Variants in CECR2 observed in about 807,000 individuals in gnomAD.
The protein encoded by CECR2 is chromatin remodeling regulator CECR2.
A neutral mutation model predicts 154.5 loss-of-function variants in CECR2; 30 were observed. That is an observed-to-expected ratio of 0.19 (90% confidence interval 0.15 to 0.26). The LOEUF is 0.26. Ranked by LOEUF, CECR2 falls within the 10% of genes least tolerant of loss-of-function variation. The probability of loss-of-function intolerance (pLI) is 1.00; values close to 1 mark genes in which losing one functional copy is unlikely to be tolerated. For missense variants in CECR2, 1,743 were observed against 1,829.3 expected (o/e 0.95, Z 0.86); for synonymous variants, 725 against 683.7 (o/e 1.06, Z -0.94).
intron 1 of CECR2, among the ~76,000 whole-genome samples, chr22:17,434,552 C>A (rs528061383): frequency 9.0e-4 from 137 of 152,260 alleles, no homozygotes; most frequent in Non-Finnish European, 1.6e-3. Flanking sequence ...GACACTAACC[C>A]TTTAGGCTGC....
At chr22:17,462,303 G>A (rs1329213654) in intron 1 of CECR2, among the ~76,000 whole-genome samples, 1 of 151,872 alleles carries the variant, frequency 6.6e-6, no homozygotes, top group Non-Finnish European at 1.5e-5. Context: ...AGAGCTTGCA[G>A]TGAGCAAAGA....
chr22:17,363,756 A>G (rs764101408), intron 1 of CECR2, among the ~76,000 whole-genome samples: 1 of 152,106 alleles, frequency 6.6e-6, no homozygotes, highest in Non-Finnish European at 1.5e-5. Flanking sequence ...CCACCTCAGC[A>G]TCTGGAGTAA....
intron 1 of CECR2, among the ~76,000 whole-genome samples, chr22:17,435,081 G>T (rs543840698): frequency 6.6e-6 from 1 of 152,268 alleles, no homozygotes; most frequent in South Asian, 2.1e-4. Context: ...CAGTCTAAGA[G>T]GCAGCCCCCT....
At chr22:17,416,458 G>GT (rs2054157727) in intron 1 of CECR2, among the ~76,000 whole-genome samples, 3 of 152,086 alleles carry the variant, frequency 2.0e-5, no homozygotes, top group African/African-American at 7.2e-5. Flanking sequence ...ACCAAATAGG[G>GT]TATGTTGGTT....
chr22:17,465,688 T>G (rs1318385095), intron 1 of CECR2, among the ~76,000 whole-genome samples: 2 of 152,060 alleles, frequency 1.3e-5, no homozygotes, highest in Non-Finnish European at 2.9e-5. Context: ...TTTCACCGTC[T>G]TGGCCAGGCT....
chr22:17,411,295 T>TGTAC (rs1468404074), intron 1 of CECR2, among the ~76,000 whole-genome samples: 1 of 152,204 alleles, frequency 6.6e-6, no homozygotes, highest in African/African-American at 2.4e-5. Context: ...CTTGATTACT[T>TGTAC]GTACAATGGG....
rs188494208 is a variant in CECR2, at chr22:17,478,967, G to A, written c.221+1285G>A. On this transcript the variant is annotated intron_variant, in intron 2 of 18. Transcript: ENST00000262608. ...GTAATTTTTAAGCACTGTTGTATTCGTACCTTGTGTTTAATTCCACATTTT... is the reference window on the plus strand; with the variant it reads ...GTAATTTTTAAGCACTGTTGTATTCATACCTTGTGTTTAATTCCACATTTT... Among the ~76,000 whole-genome samples the A allele has an allele frequency of 1.2e-4, 18 of 152,108 alleles. No individual in the cohort carries two copies. The South Asian group carries it at 1.5e-3, about 12-fold the overall frequency.
intron 1 of CECR2, among the ~76,000 whole-genome samples, chr22:17,476,649 C>T (rs942259723): frequency 6.6e-6 from 1 of 152,110 alleles, no homozygotes; most frequent in Non-Finnish European, 1.5e-5. Flanking sequence ...ATAAGATTGT[C>T]AGAAGTTTGG....
chr22:17,497,484 G>A lies in CECR2; in HGVS notation c.303G>A (p.Arg101=), dbSNP rs1188150969. 6.2e-7 allele frequency: 1 copy of A among 1,613,982 alleles called. No homozygotes were observed. The highest frequency in any genetic ancestry group is 1.1e-5 in the South Asian group (1 of 91,080). ...AAGAAGGGAAGCCCAACCCTCTGAG[G>A]GAAGCCAGTTTCCAGGACCTGCCTC... The part of the protein sequence containing the change: ...ELEEGKPNPL[R]EASFQDLPLR... The change falls in exon 3 of 19, where the codon AGG becomes AGA. Residue 101 remains arginine (R), a synonymous_variant. Transcript: ENST00000262608.
At chr22:17,539,487 G>A (rs2056487962) in intron 13 of CECR2, among the ~76,000 whole-genome samples, 1 of 151,996 alleles carries the variant, frequency 6.6e-6, no homozygotes, top group African/African-American at 2.4e-5. Flanking sequence ...GGCTCTTTCT[G>A]AACATCACAC....
intron 2 of CECR2, among the ~76,000 whole-genome samples, chr22:17,481,930 C>T (rs962172282): frequency 1.3e-5 from 2 of 151,556 alleles, no homozygotes; most frequent in South Asian, 4.2e-4. Flanking sequence ...TCCTGGCTAA[C>T]ACAGTGAAAC....
At chr22:17,394,073 GA>G (rs1300561035) in intron 1 of CECR2, among the ~76,000 whole-genome samples, 1 of 151,730 alleles carries the variant, frequency 6.6e-6, no homozygotes, top group Non-Finnish European at 1.5e-5. Flanking sequence ...TTTTAGCAGA[GA>G]CAGGGTTTCA....
intron 1 of CECR2, among the ~76,000 whole-genome samples, chr22:17,373,102 G>C (rs2063079715): frequency 6.6e-6 from 1 of 151,946 alleles, no homozygotes; most frequent in Non-Finnish European, 1.5e-5. Flanking sequence ...TCACTCTGTT[G>C]CCCAGGCTGG....
At chr22:17,414,354 T>A (rs2054122067) in intron 1 of CECR2, among the ~76,000 whole-genome samples, 1 of 152,188 alleles carries the variant, frequency 6.6e-6, no homozygotes, top group African/African-American at 2.4e-5. Flanking sequence ...TGCAGGTACT[T>A]TATTACTGAT....
intron 1 of CECR2, among the ~76,000 whole-genome samples, chr22:17,390,797 T>C (rs916562684): frequency 4.0e-5 from 6 of 151,476 alleles, no homozygotes; most frequent in African/African-American, 1.2e-4. Context: ...GTTTTTAATA[T>C]CTGATAAAAA....
At chr22:17,381,447 G>A (rs1213861665) in intron 1 of CECR2, among the ~76,000 whole-genome samples, 3 of 152,188 alleles carry the variant, frequency 2.0e-5, no homozygotes, top group African/African-American at 7.2e-5. Flanking sequence ...TGCTGCTGGA[G>A]TGAGTGCATA....
rs117073364 is a variant in CECR2, at chr22:17,513,533, G to T, written c.954+1637G>T. 3.7e-4 allele frequency among the ~76,000 whole-genome samples: 56 copies of T among 152,278 alleles called. No homozygotes were observed. The East Asian group carries it at 0.011, about 29-fold the overall frequency. On this transcript the variant is annotated intron_variant, in intron 8 of 18. Transcript: ENST00000262608. ...ATTTGTATTTACTTCAGTATATTTTGATTTCACATCTGTCTCTTTTTAACT... is the reference window on the plus strand; with the variant it reads ...ATTTGTATTTACTTCAGTATATTTTTATTTCACATCTGTCTCTTTTTAACT...
intron 9 of CECR2, among the ~76,000 whole-genome samples, chr22:17,525,201 C>T (rs2146969052): frequency 7.2e-6 from 1 of 138,482 alleles, no homozygotes; most frequent in East Asian, 2.3e-4. Flanking sequence ...AGGAGAATCG[C>T]TTGAACCCAG....
chr22:17,371,069 C>G (rs914267255), intron 1 of CECR2, among the ~76,000 whole-genome samples: 1 of 152,114 alleles, frequency 6.6e-6, no homozygotes. Context: ...TTACTTTGTG[C>G]CATTTTCGGG....
Sources: allele counts gnomAD v4.1 joint callset (sites outside exome capture counted in the v4.1 genomes callset), GRCh38; gene constraint gnomAD v4.1.1; transcripts MANE v1.5; gene names NCBI Gene and HGNC (gene_info 2026-07-23, HGNC 2026-07-21).